SEM1: variants seen among roughly 807,000 people sequenced by gnomAD.
The protein encoded by SEM1 is SEM1 26S proteasome subunit.
In SEM1, 3 loss-of-function variants were observed where a neutral mutation model predicts 12.7. The ratio of observed to expected loss-of-function variants is 0.24; its 90% CI spans 0.11 to 0.61. The LOEUF is 0.61. SEM1 is among the 20% of genes least tolerant of loss of function. SEM1 has a pLI of 0.88. For missense variants in SEM1, 59 were observed against 81.3 expected, an observed-to-expected ratio of 0.73 and a Z score of 1.06; for synonymous variants, 30 against 27.8, an observed-to-expected ratio of 1.08 and a Z score of -0.25.
chr7:96,524,036 G>A (rs1410911669), intron 2 of SEM1, among the ~76,000 whole-genome samples: 2 of 151,976 alleles, frequency 1.3e-5, no homozygotes, highest in African/African-American at 4.8e-5. Flanking sequence ...CCCTAACCTG[G>A]AGTTTCTGGT....
intron 2 of SEM1, among the ~76,000 whole-genome samples, chr7:96,654,921 C>T (rs1482196957): frequency 6.6e-6 from 1 of 152,126 alleles, no homozygotes; most frequent in Non-Finnish European, 1.5e-5. Context: ...CTCTGCAGCA[C>T]TCACCACAGT....
Position 96,688,943 on chromosome 7 carries a change from T to A in SEM1, c.194A>T (p.Tyr65Phe), listed in dbSNP as rs1789842544. ...TGGATGCTATGAAGTCTCCATCTTATAACCATGTTTCTCTAGTTCAGCTCT... is the reference window on the plus strand; with the variant it reads ...TGGATGCTATGAAGTCTCCATCTTAAAACCATGTTTCTCTAGTTCAGCTCT... ...QLRAELEKHG[Y>F]KMETS The change falls in exon 3 of 3, where the codon TAT becomes TTT. Residue 65 changes from tyrosine to phenylalanine, a missense_variant. Transcript: ENST00000248566. 6.3e-7 allele frequency: 1 copy of A among 1,596,266 alleles called. No homozygotes were observed. The highest frequency in any genetic ancestry group is 2.2e-5 in the East Asian group (1 of 44,624).
chr7:96,630,822 G>C (rs1463868149), intron 2 of SEM1, among the ~76,000 whole-genome samples: 3 of 151,060 alleles, frequency 2.0e-5, no homozygotes, highest in African/African-American at 7.4e-5. Flanking sequence ...GGTTATTCAG[G>C]ACCCAAGGAC....
At chr7:96,614,896 G>A (rs1206587726) in intron 2 of SEM1, among the ~76,000 whole-genome samples, 1 of 152,188 alleles carries the variant, frequency 6.6e-6, no homozygotes, top group Non-Finnish European at 1.5e-5. Flanking sequence ...GAGGAGGAGA[G>A]TTTATAGTAT....
chr7:96,490,362 G>A (rs1563025604), intron 1 of SEM1, among the ~76,000 whole-genome samples: 1 of 152,074 alleles, frequency 6.6e-6, no homozygotes, highest in East Asian at 1.9e-4. Flanking sequence ...TGTTCCTCAG[G>A]GCATTTTATA....
intron 2 of SEM1, among the ~76,000 whole-genome samples, chr7:96,585,294 C>G (rs930403877): frequency 7.9e-5 from 12 of 152,204 alleles, no homozygotes; most frequent in African/African-American, 2.7e-4. Context: ...GGTCAGGGGT[C>G]AGGGACCCAT....
At chr7:96,603,697 GCAACAGTCAC>G (rs1405805049) in intron 2 of SEM1, among the ~76,000 whole-genome samples, 4 of 152,028 alleles carry the variant, frequency 2.6e-5, no homozygotes, top group African/African-American at 9.7e-5. Flanking sequence ...GGTTCCTATA[GCAACAGTCAC>G]CAAGTGAAAT....
chr7:96,663,251 T>C (rs1789068024), intron 2 of SEM1, among the ~76,000 whole-genome samples: 1 of 152,208 alleles, frequency 6.6e-6, no homozygotes, highest in Non-Finnish European at 1.5e-5. Flanking sequence ...CAACTCTCTT[T>C]ACTTTTGTAT....
chr7:96,662,911 G>C (rs1789055672), intron 2 of SEM1, among the ~76,000 whole-genome samples: 1 of 152,158 alleles, frequency 6.6e-6, no homozygotes, highest in African/African-American at 2.4e-5. Context: ...TGTAGAAAGT[G>C]TAAACCATAA....
At chr7:96,597,561 T>C (rs1006821032) in intron 2 of SEM1, among the ~76,000 whole-genome samples, 2 of 152,120 alleles carry the variant, frequency 1.3e-5, no homozygotes, top group African/African-American at 4.8e-5. Flanking sequence ...CACTATTATA[T>C]ATTCTTCCCA....
chr7:96,679,207 G>A (rs1285098122), intron 2 of SEM1, among the ~76,000 whole-genome samples: 1 of 152,044 alleles, frequency 6.6e-6, no homozygotes, highest in African/African-American at 2.4e-5. Flanking sequence ...TGTCATCTCT[G>A]TGGCTCATTG....
At chr7:96,694,771 AC>A in intron 2 of SEM1, 26 bp downstream of exon 2, 1 of 1,388,154 alleles carries the variant, frequency 7.2e-7, no homozygotes, top group Non-Finnish European at 1.0e-6. Context: ...ATACTGAACT[AC>A]AATAAAAATC....
intron 2 of SEM1, among the ~76,000 whole-genome samples, chr7:96,655,223 G>T (rs1317854320): frequency 6.6e-6 from 1 of 152,142 alleles, no homozygotes; most frequent in Non-Finnish European, 1.5e-5. Flanking sequence ...TCATCTCAGG[G>T]TCTGGGCCAG....
At chr7:96,496,998 C>T (rs953262454), upstream of SEM1, among the ~76,000 whole-genome samples, 21 of 139,120 alleles carry the variant, frequency 1.5e-4, no homozygotes, top group African/African-American at 2.1e-4. Flanking sequence ...CACATGCGCA[C>T]GAGCACGTAT....
chr7:96,548,200 A>C (rs1161566736), intron 2 of SEM1, among the ~76,000 whole-genome samples: 1 of 152,158 alleles, frequency 6.6e-6, no homozygotes, highest in Non-Finnish European at 1.5e-5. Flanking sequence ...CTATTTTCAC[A>C]GGAGTTTCCA....
intron 2 of SEM1, among the ~76,000 whole-genome samples, chr7:96,580,894 A>G (rs1401847089): frequency 6.6e-6 from 1 of 152,098 alleles, no homozygotes; most frequent in Non-Finnish European, 1.5e-5. Context: ...AGTAGGTTGC[A>G]AAAATTTTCT....
At chr7:96,541,831 G>A (rs12234766) in intron 2 of SEM1, among the ~76,000 whole-genome samples, 89,974 of 151,386 alleles carry the variant, frequency 0.59, 27,924 homozygotes, top group Non-Finnish European at 0.69. Flanking sequence ...CATTTATTGA[G>A]TAGTGAGTCC....
At chr7:96,546,714 T>G (rs1389897505) in intron 2 of SEM1, among the ~76,000 whole-genome samples, 5 of 152,112 alleles carry the variant, frequency 3.3e-5, no homozygotes, top group Non-Finnish European at 1.5e-5. Flanking sequence ...TGTGATTTGT[T>G]TTGGAATGAA....
intron 2 of SEM1, among the ~76,000 whole-genome samples, chr7:96,614,095 C>G (rs2116250421): frequency 6.6e-6 from 1 of 152,224 alleles, no homozygotes; most frequent in East Asian, 1.9e-4. Context: ...TTATTCATAT[C>G]CATCTACTGT....
Sources: gnomAD v4.1 joint callset for allele counts (sites outside exome capture counted in the v4.1 genomes callset) on GRCh38, gnomAD v4.1.1 for gene constraint, MANE v1.5 for transcripts, NCBI Gene and HGNC (gene_info 2026-07-23, HGNC 2026-07-21) for gene names.